Variants in AXDND1 observed in about 807,000 individuals in gnomAD.
AXDND1 encodes the protein axonemal dynein light chain domain containing 1.
AXDND1 carries 110 observed loss-of-function variants against 137.5 expected under a neutral mutation model. The ratio of observed to expected loss-of-function variants is 0.80; its 90% CI spans 0.69 to 0.94. The LOEUF (loss-of-function observed/expected upper bound fraction) is 0.94. Ranked by LOEUF, AXDND1 falls within the 40% of genes least tolerant of loss-of-function variation. The probability of loss-of-function intolerance (pLI) is 0.00; values close to 1 mark genes in which losing one functional copy is unlikely to be tolerated. For synonymous variants in AXDND1, 414 were observed against 399.7 expected, an observed-to-expected ratio of 1.04 and a Z score of -0.43; for missense variants, 1,191 against 1,169.8, an observed-to-expected ratio of 1.02 and a Z score of -0.26.
chr1:179,527,124 C>A (rs1441243103), intron 22 of AXDND1, among the ~76,000 whole-genome samples: 1 of 152,178 alleles, frequency 6.6e-6, no homozygotes, highest in Admixed American at 6.5e-5. Context: ...GCCTTAAGGG[C>A]TGCTGGTTGC....
Position 179,491,578 on chromosome 1 carries a change from A to G in AXDND1, c.2132A>G (p.Asn711Ser). 1 of 1,612,722 alleles carries G rather than the reference A, an allele frequency of 6.2e-7. No homozygotes were observed. Among genetic ancestry groups the G allele is most frequent in the Non-Finnish European group, 8.5e-7 (1 of 1,178,812 alleles). The change falls in exon 19 of 26, where the codon AAC (asparagine) becomes AGC (serine). Residue 711 changes from asparagine (N) to serine (S), a missense_variant. Transcript: ENST00000367618. Reference protein sequence around the residue: ...LHISMIQWMVNLLILMIPNFT... With the variant: ...LHISMIQWMVSLLILMIPNFT... ...ATATCTATGATCCAGTGGATGGTAA[A>G]CTTGCTGATTTTAATGATACCCAAC...
chr1:179,411,007 C>G, intron 11 of AXDND1, 139 bp from the exon 12 acceptor site: 1 of 604,866 alleles, frequency 1.7e-6, no homozygotes, highest in Non-Finnish European at 2.7e-6. Flanking sequence ...ATATATTCAG[C>G]AATTATACCA....
At chr1:179,538,363 A>C (rs558031221) in intron 25 of AXDND1, among the ~76,000 whole-genome samples, 1 of 152,288 alleles carries the variant, frequency 6.6e-6, no homozygotes, top group East Asian at 1.9e-4. Context: ...ACTGCTTTAA[A>C]TGTGTCCCAG....
intron 20 of AXDND1, among the ~76,000 whole-genome samples, chr1:179,495,214 C>A (rs528956043): frequency 6.6e-6 from 1 of 152,112 alleles, no homozygotes; most frequent in Admixed American, 6.5e-5. Context: ...TATAATTAGC[C>A]TATCAATTTC....
intron 12 of AXDND1, among the ~76,000 whole-genome samples, chr1:179,414,088 T>A (rs1654311724): frequency 6.6e-6 from 1 of 152,064 alleles, no homozygotes; most frequent in African/African-American, 2.4e-5. Flanking sequence ...TACAATTTTT[T>A]AACAAACATT....
At chr1:179,476,884 A>G (rs1434142873) in intron 17 of AXDND1, among the ~76,000 whole-genome samples, 1 of 152,040 alleles carries the variant, frequency 6.6e-6, no homozygotes, top group Non-Finnish European at 1.5e-5. Flanking sequence ...TGAATGTGTT[A>G]TTGTTTTTCA....
intron 21 of AXDND1, among the ~76,000 whole-genome samples, chr1:179,517,594 T>C (rs1333722185): frequency 6.6e-6 from 1 of 152,222 alleles, no homozygotes; most frequent in Non-Finnish European, 1.5e-5. Context: ...AATGGCCTGC[T>C]TGGGGACCCT....
chr1:179,527,825 C>T (rs1300798936), intron 22 of AXDND1, among the ~76,000 whole-genome samples: 4 of 152,088 alleles, frequency 2.6e-5, no homozygotes, highest in Admixed American at 1.3e-4. Context: ...GGTAACAAAA[C>T]CATTACTACT....
intron 12 of AXDND1, among the ~76,000 whole-genome samples, chr1:179,419,254 G>C (rs908561992): frequency 8.6e-5 from 13 of 151,972 alleles, no homozygotes; most frequent in African/African-American, 2.9e-4. Flanking sequence ...TCTTTGGGAG[G>C]CCAAGGCAGG....
chr1:179,372,220 A>AT lies in AXDND1; in HGVS notation c.374+2143dup, dbSNP rs547109000. ...ACAGCAAAGCAAATATTCTCGAGTA[A>AT]TATTTTTCGACAACTCTTTCAGCAG... On this transcript the variant is annotated intron_variant, in intron 4 of 25. Transcript: ENST00000367618. 1.1e-3 allele frequency among the ~76,000 whole-genome samples: 164 copies of AT among 152,328 alleles called. 2 individuals carry two copies. Among genetic ancestry groups the AT allele is most frequent in the Middle Eastern group, 3.4e-3 (1 of 294 alleles).
At chr1:179,509,999 C>T (rs879651868) in intron 21 of AXDND1, among the ~76,000 whole-genome samples, 13 of 152,058 alleles carry the variant, frequency 8.5e-5, no homozygotes, top group Admixed American at 2.6e-4. Flanking sequence ...TTGCCAAATC[C>T]AAGTATCTTC....
At chr1:179,372,932 C>T (rs1668190077) in intron 4 of AXDND1, among the ~76,000 whole-genome samples, 1 of 152,180 alleles carries the variant, frequency 6.6e-6, no homozygotes, top group African/African-American at 2.4e-5. Context: ...ATCCACCCGC[C>T]TCGGCCTCTC....
intron 16 of AXDND1, chr1:179,456,661 C>T (rs2125421037): frequency 2.4e-6 from 2 of 832,170 alleles, no homozygotes; most frequent in Non-Finnish European, 4.1e-6. Flanking sequence ...CCACCAAAGC[C>T]ATCATGACCA....
chr1:179,427,341 A>G (rs1334343301), intron 12 of AXDND1, among the ~76,000 whole-genome samples: 1 of 151,290 alleles, frequency 6.6e-6, no homozygotes, highest in African/African-American at 2.4e-5. Context: ...TTATACTTCT[A>G]TATTGTTTGA....
intron 15 of AXDND1, among the ~76,000 whole-genome samples, chr1:179,443,882 A>AAAAT (rs1424153754): frequency 6.6e-6 from 1 of 152,210 alleles, no homozygotes; most frequent in Non-Finnish European, 1.5e-5. Flanking sequence ...CTGACAAAGG[A>AAAAT]AAATATAAGT....
intron 25 of AXDND1, among the ~76,000 whole-genome samples, chr1:179,539,479 G>A (rs1381623759): frequency 6.6e-6 from 1 of 152,160 alleles, no homozygotes; most frequent in African/African-American, 2.4e-5. Context: ...GAAATTCTGG[G>A]TTGAAAATTC....
At chr1:179,409,820 A>C (rs1229771615) in intron 11 of AXDND1, among the ~76,000 whole-genome samples, 3 of 152,204 alleles carry the variant, frequency 2.0e-5, no homozygotes, top group Admixed American at 6.5e-5. Flanking sequence ...TTTCAAAACA[A>C]CAAAAAACGA....
At chr1:179,445,980 A>G (rs966408608) in intron 16 of AXDND1, among the ~76,000 whole-genome samples, 1 of 152,168 alleles carries the variant, frequency 6.6e-6, no homozygotes, top group Admixed American at 6.5e-5. Context: ...TGAAGGTTCC[A>G]CTTTCTCTGC....
chr1:179,409,857 TTTAA>T (rs1259836905), intron 11 of AXDND1, among the ~76,000 whole-genome samples: 1 of 152,104 alleles, frequency 6.6e-6, no homozygotes. Flanking sequence ...TATGATGATG[TTTAA>T]TTATCTCCAG....
Sources: gnomAD v4.1 joint callset for allele counts (sites outside exome capture counted in the v4.1 genomes callset) on GRCh38, gnomAD v4.1.1 for gene constraint, MANE v1.5 for transcripts, NCBI Gene and HGNC (gene_info 2026-07-23, HGNC 2026-07-21) for gene names.